Variants in DLGAP2 observed in about 807,000 individuals in gnomAD.
DLGAP2 encodes DLG associated protein 2.
In DLGAP2, 26 loss-of-function variants were observed where a neutral mutation model predicts 100.3. The observed-to-expected ratio is 0.26, with a 90% CI of 0.19 to 0.36. The LOEUF (loss-of-function observed/expected upper bound fraction) is 0.36, where lower values mean the gene tolerates loss of function less well. Ranked by LOEUF, DLGAP2 falls within the 10% of genes least tolerant of loss-of-function variation. The probability of loss-of-function intolerance (pLI) is 1.00; values close to 1 mark genes in which losing one functional copy is unlikely to be tolerated. For synonymous variants in DLGAP2, 886 were observed against 630.1 expected, an observed-to-expected ratio of 1.41 and a Z score of -6.08; for missense variants, 1,858 against 1,453.2, an observed-to-expected ratio of 1.28 and a Z score of -4.53.
intron 2 of DLGAP2, among the ~76,000 whole-genome samples, chr8:1,257,369 C>G (rs1417901298): frequency 6.6e-6 from 1 of 152,028 alleles, no homozygotes; most frequent in East Asian, 1.9e-4. Context: ...AACAACACCT[C>G]AACTCCCTTT....
intron 5 of DLGAP2, among the ~76,000 whole-genome samples, chr8:1,558,529 A>G (rs562858982): frequency 2.9e-4 from 44 of 152,214 alleles, no homozygotes; most frequent in African/African-American, 9.9e-4. Flanking sequence ...GCACACCCAT[A>G]TACCTGCACA....
intron 2 of DLGAP2, among the ~76,000 whole-genome samples, chr8:973,536 C>T (rs1800077901): frequency 6.6e-6 from 1 of 152,288 alleles, no homozygotes; most frequent in African/African-American, 2.4e-5. Context: ...CAGAGATGCT[C>T]CTCACTTCTT....
rs888393810 is a variant in DLGAP2, at chr8:1,213,368, G to T, written c.74-45483G>T. On this transcript the variant is annotated intron_variant, in intron 2 of 14. Transcript: ENST00000637795. ...ATTTCATCAAATGCCTTTCCACTGT[G>T]TATTGCAATGATAATCCAGTATGTC... is the stretch of plus-strand genomic sequence containing the variant. 4.0e-5 allele frequency among the ~76,000 whole-genome samples: 6 copies of T among 150,204 alleles called. 1 individual carries two copies. In the Middle Eastern group the frequency reaches 0.02, roughly 511 times the overall value.
intron 3 of DLGAP2, among the ~76,000 whole-genome samples, chr8:1,353,679 T>A (rs913882042): frequency 2.2e-4 from 33 of 152,296 alleles, no homozygotes; most frequent in Admixed American, 1.0e-3. Flanking sequence ...TTAGCAAGCT[T>A]TTAGAAGCAT....
At chr8:1,631,270 T>C (rs533876551) in intron 7 of DLGAP2, among the ~76,000 whole-genome samples, 4 of 152,028 alleles carry the variant, frequency 2.6e-5, no homozygotes, top group African/African-American at 7.2e-5. Context: ...GTTAATGGTG[T>C]CTCTTCTTTA....
intron 4 of DLGAP2, among the ~76,000 whole-genome samples, chr8:1,539,577 C>T (rs1020776091): frequency 6.6e-6 from 1 of 152,040 alleles, no homozygotes; most frequent in Non-Finnish European, 1.5e-5. Context: ...TCACCGGGAG[C>T]TGTGATGGGG....
intron 2 of DLGAP2, among the ~76,000 whole-genome samples, chr8:1,205,808 G>T (rs1471993218): frequency 2.0e-5 from 3 of 152,172 alleles, no homozygotes; most frequent in Admixed American, 1.3e-4. Flanking sequence ...GAGGACTTCA[G>T]TCCGCCTGAG....
At chr8:1,422,652 C>A (rs111773202) in intron 3 of DLGAP2, among the ~76,000 whole-genome samples, 3 of 151,688 alleles carry the variant, frequency 2.0e-5, no homozygotes. Flanking sequence ...CTGGAGGGCA[C>A]GGCTGGTGTG....
At chr8:902,389 G>T (rs1408233070) in intron 1 of DLGAP2, among the ~76,000 whole-genome samples, 1 of 150,656 alleles carries the variant, frequency 6.6e-6, no homozygotes, top group African/African-American at 2.4e-5. Context: ...GCAGCCGGAG[G>T]GTTCATGGAA....
intron 3 of DLGAP2, among the ~76,000 whole-genome samples, chr8:1,298,389 C>T (rs570302842): frequency 7.2e-5 from 11 of 152,312 alleles, no homozygotes; most frequent in East Asian, 1.9e-4. Context: ...GCACTGTCGC[C>T]GTCCCTCAGT....
chr8:1,231,343 G>C (rs1191217621), intron 2 of DLGAP2, among the ~76,000 whole-genome samples: 1 of 152,212 alleles, frequency 6.6e-6, no homozygotes, highest in African/African-American at 2.4e-5. Context: ...AACAACAGAT[G>C]CTGGTGAGGG....
At chr8:1,605,002 G>T (rs1563251512) in intron 6 of DLGAP2, among the ~76,000 whole-genome samples, 1 of 152,182 alleles carries the variant, frequency 6.6e-6, no homozygotes, top group Non-Finnish European at 1.5e-5. Flanking sequence ...AGATAGTGCA[G>T]TCGCTTTGTT....
chr8:1,252,005 GTGTGT>G (rs1469659134), intron 2 of DLGAP2, among the ~76,000 whole-genome samples: 6 of 152,072 alleles, frequency 3.9e-5, no homozygotes. Context: ...TGTCACGTGG[GTGTGT>G]TGTGTTGTCC....
In DLGAP2 at chr8:1,351,737, A is replaced by G. The variant is rs1481198867; in HGVS notation, c.106+92854A>G. On this transcript the variant is annotated intron_variant, in intron 3 of 14. Transcript: ENST00000637795. ...ATGCGGGTCCTGAGTGTGTGTGGAA[A>G]GGCCGTGCGGGTCCTGACTATGTGT... is the stretch of plus-strand genomic sequence containing the variant. Among the ~76,000 whole-genome samples, 12 of 62,346 alleles carry G rather than the reference A, an allele frequency of 1.9e-4. 1 individual carries two copies. The highest frequency in any genetic ancestry group is 6.0e-4 in the African/African-American group (11 of 18,444). The allele number at this position is 62,346 out of a possible 152,430, so 40.9% of individuals were successfully genotyped here.
At chr8:1,697,921 G>C (rs1053723423) in intron 14 of DLGAP2, among the ~76,000 whole-genome samples, 1 of 152,242 alleles carries the variant, frequency 6.6e-6, no homozygotes, top group African/African-American at 2.4e-5. Context: ...AGATAGTTCT[G>C]AGTTAGCAGC....
intron 3 of DLGAP2, among the ~76,000 whole-genome samples, chr8:1,452,515 C>T (rs755983702): frequency 7.9e-5 from 12 of 152,196 alleles, no homozygotes; most frequent in Non-Finnish European, 1.3e-4. Flanking sequence ...TGCTTCTGAG[C>T]TTGTGGGACA....
At chr8:1,380,463 C>CT (rs1554456224) in intron 3 of DLGAP2, among the ~76,000 whole-genome samples, 1 of 152,172 alleles carries the variant, frequency 6.6e-6, no homozygotes, top group Non-Finnish European at 1.5e-5. Context: ...GTGCATAAAA[C>CT]TCACCCCTCC....
chr8:755,237 T>C (rs971448833), intron 1 of DLGAP2, among the ~76,000 whole-genome samples: 1 of 152,098 alleles, frequency 6.6e-6, no homozygotes, highest in African/African-American at 2.4e-5. Flanking sequence ...GGTGGGTGAA[T>C]TGCTTGAGCT....
rs139173977 is a variant in DLGAP2 at position 849,469 on chromosome 8, C to T, written c.19-58443C>T. Among the ~76,000 whole-genome samples the T allele has an allele frequency of 9.0e-4, 137 of 152,262 alleles. No homozygotes were observed. In the South Asian group the frequency reaches 0.011, roughly 12 times the overall value. ...TTCACTTGGGCATTTAGTTCGATGC[C>T]TGGGATGGGAGTGGCTGTGTCAATG... On this transcript the variant is annotated intron_variant, in intron 1 of 14. Transcript: ENST00000637795.
Sources: allele counts gnomAD v4.1 joint callset (sites outside exome capture counted in the v4.1 genomes callset), GRCh38; gene constraint gnomAD v4.1.1; transcripts MANE v1.5; gene names NCBI Gene and HGNC (gene_info 2026-07-23, HGNC 2026-07-21).